Variants in MALRD1 observed in about 807,000 individuals in gnomAD.
MALRD1 encodes the protein MAM and LDL-receptor class A domain-containing protein 1.
A neutral mutation model predicts 242.1 loss-of-function variants in MALRD1; 247 were observed. The observed-to-expected ratio is 1.02, with a 90% CI of 0.92 to 1.13. The LOEUF (loss-of-function observed/expected upper bound fraction) is 1.13, where lower values mean the gene tolerates loss of function less well. Ranked by LOEUF, MALRD1 falls within the 50% of genes most tolerant of loss-of-function variation. MALRD1 has a pLI of 0.00. For missense variants in MALRD1, 2,989 were observed against 2,533.1 expected (o/e 1.18, Z -3.86); for synonymous variants, 995 against 866.6 (o/e 1.15, Z -2.60).
chr10:19,179,212 G>T (rs149887058), intron 14 of MALRD1, among the ~76,000 whole-genome samples: 1 of 152,186 alleles, frequency 6.6e-6, no homozygotes, highest in Non-Finnish European at 1.5e-5. Flanking sequence ...TGGTAACCAG[G>T]TTCTGGGAGG....
intron 19 of MALRD1, among the ~76,000 whole-genome samples, chr10:19,274,347 G>A (rs1840397945): frequency 1.3e-5 from 2 of 152,142 alleles, no homozygotes; most frequent in Non-Finnish European, 2.9e-5. Context: ...TGGACTGAAC[G>A]TATTTTCCCA....
At position 19,192,463 on chromosome 10, in the gene MALRD1, G is replaced by A. The variant is rs577225709; in HGVS notation, c.1952-11265G>A. On this transcript the variant is annotated intron_variant, in intron 14 of 39. Coordinates refer to ENST00000454679, the MANE Select transcript of MALRD1 (RefSeq NM_001142308.3). ...GCCACATGAAAAGATATGACAGGTG[G>A]GCTTAAGGAGATGAAAGAAATCCTC... Among the ~76,000 whole-genome samples the A allele has an allele frequency of 5.3e-5, 8 of 152,196 alleles. 1 individual carries two copies. In the South Asian group the frequency reaches 1.7e-3, roughly 32 times the overall value.
Position 19,463,397 on chromosome 10 carries a change from TC to T in MALRD1, c.5029+12908del, listed in dbSNP as rs1365028077. On this transcript the variant is annotated intron_variant, in intron 29 of 39. Coordinates refer to ENST00000454679, the MANE Select transcript of MALRD1 (RefSeq NM_001142308.3). ...ATGATACAATGCATCCTCTGCATCC[TC>T]TGCATCCTCATAGCTTAGCTCCCAC... 1.6e-4 allele frequency among the ~76,000 whole-genome samples: 24 copies of T among 151,688 alleles called. 1 individual carries two copies. Among genetic ancestry groups the T allele is most frequent in the Admixed American group, 1.5e-3 (23 of 15,220 alleles).
intron 29 of MALRD1, among the ~76,000 whole-genome samples, chr10:19,483,520 A>G (rs1837107194): frequency 6.6e-6 from 1 of 152,164 alleles, no homozygotes; most frequent in Non-Finnish European, 1.5e-5. Flanking sequence ...AGACATACAT[A>G]TGGTCAACGA....
chr10:19,523,838 G>T (rs12766985), intron 31 of MALRD1, among the ~76,000 whole-genome samples: 60,769 of 151,568 alleles, frequency 0.4, 12,971 homozygotes, highest in Non-Finnish European at 0.48. Context: ...GGGGCGCATG[G>T]GGGGAGTTTA....
At chr10:19,701,138 G>T (rs879474965) in intron 38 of MALRD1, among the ~76,000 whole-genome samples, 1 of 152,106 alleles carries the variant, frequency 6.6e-6, no homozygotes, top group African/African-American at 2.4e-5. Flanking sequence ...GACAAAGCAA[G>T]ACCCTGTCTC....
At chr10:19,153,306 T>C (rs1834008618) in intron 11 of MALRD1, among the ~76,000 whole-genome samples, 1 of 152,222 alleles carries the variant, frequency 6.6e-6, no homozygotes. Context: ...CCTATTTTCA[T>C]CCATTTTATT....
intron 29 of MALRD1, among the ~76,000 whole-genome samples, chr10:19,484,918 C>T (rs887518488): frequency 6.6e-6 from 1 of 152,184 alleles, no homozygotes; most frequent in Non-Finnish European, 1.5e-5. Flanking sequence ...GATATGGAAT[C>T]AACCTAAGAG....
chr10:19,491,774 C>A, intron 30 of MALRD1, 129 bp downstream of exon 30: 1 of 1,013,594 alleles, frequency 9.9e-7, no homozygotes, highest in Non-Finnish European at 1.4e-6. Flanking sequence ...TTTAGAATAG[C>A]CCAAATATTT....
chr10:19,182,978 C>T (rs1407989413), intron 14 of MALRD1, among the ~76,000 whole-genome samples: 2 of 151,560 alleles, frequency 1.3e-5, no homozygotes, highest in East Asian at 1.9e-4. Flanking sequence ...TAGTGCTTTT[C>T]GGGGACTTAA....
At chr10:19,353,953 T>G (rs1010427850) in intron 26 of MALRD1, among the ~76,000 whole-genome samples, 1 of 151,986 alleles carries the variant, frequency 6.6e-6, no homozygotes, top group African/African-American at 2.4e-5. Flanking sequence ...CTGAAACTCT[T>G]GAGCTCAAAG....
intron 10 of MALRD1, among the ~76,000 whole-genome samples, chr10:19,145,178 T>A (rs1180748323): frequency 2.0e-5 from 3 of 152,194 alleles, no homozygotes; most frequent in Admixed American, 6.5e-5. Context: ...GACTTTCTAG[T>A]TGAATGCCCA....
At chr10:19,411,172 CT>C (rs1321081008) in intron 28 of MALRD1, among the ~76,000 whole-genome samples, 1 of 152,104 alleles carries the variant, frequency 6.6e-6, no homozygotes. Context: ...TGACCCAATC[CT>C]GAAAATATAA....
rs552891144 is a variant in MALRD1, at chr10:19,393,602, C to A, written c.4845+3993C>A. Among the ~76,000 whole-genome samples, 82 of 149,264 alleles carry A rather than the reference C, an allele frequency of 5.5e-4. 1 individual carries two copies. The East Asian group carries it at 0.015, about 28-fold the overall frequency. ...CTGGGACTACAGGCGCCGGCCACCA[C>A]GCCTGGCTAATTTTTTTTTTTTTTT... On this transcript the variant is annotated intron_variant, in intron 28 of 39. Transcript: ENST00000454679.
chr10:19,542,285 A>G (rs1366303968), intron 32 of MALRD1, among the ~76,000 whole-genome samples: 17 of 152,166 alleles, frequency 1.1e-4, no homozygotes, highest in Admixed American at 1.1e-3. Flanking sequence ...TTGAAGCTCA[A>G]GTAACTTTTC....
intron 10 of MALRD1, among the ~76,000 whole-genome samples, chr10:19,138,443 C>G (rs1252050821): frequency 4.4e-5 from 5 of 113,738 alleles, no homozygotes; most frequent in Non-Finnish European, 7.6e-5. Context: ...TTTTTGGGGA[C>G]AGAGTCTTGC....
intron 19 of MALRD1, among the ~76,000 whole-genome samples, chr10:19,266,859 CAA>C (rs924051110): frequency 2.0e-4 from 31 of 151,838 alleles, no homozygotes; most frequent in African/African-American, 6.0e-4. Flanking sequence ...GGAATGATGA[CAA>C]AGTTATCATT....
chr10:19,556,500 A>T, intron 32 of MALRD1, among the ~76,000 whole-genome samples: 1 of 152,034 alleles, frequency 6.6e-6, no homozygotes. Flanking sequence ...GAATTCACAT[A>T]GTTGGAATCA....
rs71388849 is a variant in MALRD1, at chr10:19,543,433, C to CTTTTTTTTT, written c.5478+12092_5478+12100dup. On this transcript the variant is annotated intron_variant, in intron 32 of 39. Coordinates refer to ENST00000454679, the MANE Select transcript of MALRD1 (RefSeq NM_001142308.3). ...TGTAAAAATCATGCCCAGCTGATTT[C>CTTTTTTTTT]TTTTTTTTTTTTTTTTTTGAGAGAG... 4.1e-4 allele frequency among the ~76,000 whole-genome samples: 44 copies of CTTTTTTTTT among 106,434 alleles called. 8 individuals carry two copies. Among genetic ancestry groups the CTTTTTTTTT allele is most frequent in the South Asian group, 9.7e-4 (3 of 3,102 alleles). The allele number at this position is 106,434 out of a possible 152,430, so 69.8% of individuals were successfully genotyped here.
Sources: gnomAD v4.1 joint callset for allele counts (sites outside exome capture counted in the v4.1 genomes callset) on GRCh38, gnomAD v4.1.1 for gene constraint, MANE v1.5 for transcripts, NCBI Gene and HGNC (gene_info 2026-07-23, HGNC 2026-07-21) for gene names.